NCOA2: variants seen among roughly 807,000 people sequenced by gnomAD.
The protein encoded by NCOA2 is class E basic helix-loop-helix protein 75.
Under a neutral mutation model 145.1 loss-of-function variants are expected in NCOA2, and 21 were observed. That is an observed-to-expected ratio of 0.14 (90% CI 0.10 to 0.21). The LOEUF is 0.21. Among genes scored for constraint, NCOA2 ranks in the 10% least tolerant of loss-of-function variants. NCOA2 has a pLI of 1.00. For missense variants in NCOA2, 1,472 were observed against 1,837.6 expected (o/e 0.80, Z 3.64); for synonymous variants, 619 against 637.5 (o/e 0.97, Z 0.44).
At chr8:70,308,669 C>A (rs1268633743) in intron 1 of NCOA2, among the ~76,000 whole-genome samples, 1 of 152,182 alleles carries the variant, frequency 6.6e-6, no homozygotes. Flanking sequence ...ACCCCTCTTT[C>A]TAGCCCATCT....
chr8:70,379,934 T>G (rs1743571560), intron 1 of NCOA2, among the ~76,000 whole-genome samples: 1 of 152,062 alleles, frequency 6.6e-6, no homozygotes, highest in Non-Finnish European at 1.5e-5. Flanking sequence ...ACATTAAATT[T>G]CCCACTGAAG....
intron 2 of NCOA2, among the ~76,000 whole-genome samples, chr8:70,254,953 GC>G: frequency 6.6e-6 from 1 of 152,030 alleles, no homozygotes. Context: ...TCAAATTTTT[GC>G]TTATACTTTC....
At chr8:70,388,122 C>G (rs1231560914) in intron 1 of NCOA2, among the ~76,000 whole-genome samples, 1 of 151,434 alleles carries the variant, frequency 6.6e-6, no homozygotes, top group Non-Finnish European at 1.5e-5. Flanking sequence ...TATAATGCAG[C>G]AATAGTAAAT....
intron 13 of NCOA2, among the ~76,000 whole-genome samples, 186 bp from the exon 14 acceptor site, chr8:70,141,585 G>A (rs1042856781): frequency 6.6e-6 from 1 of 152,164 alleles, no homozygotes; most frequent in Admixed American, 6.5e-5. Flanking sequence ...TCACTACATA[G>A]TTTTCATAAC....
At chr8:70,206,447 TTA>T (rs1270146722) in intron 4 of NCOA2, among the ~76,000 whole-genome samples, 1 of 152,222 alleles carries the variant, frequency 6.6e-6, no homozygotes, top group Non-Finnish European at 1.5e-5. Flanking sequence ...ATGAGAAATT[TTA>T]TAGTTTTCCA....
chr8:70,268,286 A>G lies in NCOA2; in HGVS notation c.-20+28458T>C, dbSNP rs932491646. 5.3e-5 allele frequency among the ~76,000 whole-genome samples: 8 copies of G among 152,294 alleles called. No individual in the cohort carries two copies. The East Asian group carries it at 9.6e-4, about 18-fold the overall frequency. On this transcript the variant is annotated intron_variant, in intron 2 of 22. Transcript: ENST00000452400. ...TCTGTTTCAGCTACTTGAGAAGTCC[A>G]CTGCCCATCTTTGACATCCACCCCA... is the stretch of plus-strand genomic sequence containing the variant.
At position 70,155,997 on chromosome 8, in the gene NCOA2, C is replaced by T; in HGVS notation, c.2368G>A (p.Glu790Lys). 2 of 1,591,858 alleles carry T rather than the reference C, an allele frequency of 1.3e-6. No individual in the cohort carries two copies. Among genetic ancestry groups the T allele is most frequent in the East Asian group, 4.5e-5 (2 of 44,726 alleles). The change falls in exon 11 of 23, where the codon GAG becomes AAG. Residue 790 changes from glutamate to lysine, a missense_variant. Transcript: ENST00000452400. Reference sequence around the variant, plus strand: ...TGGTCACCAGGCTCAAAGCTCATCTCCTCCTTCTCAGTTTTCATTGCTATT... The same window carrying T: ...TGGTCACCAGGCTCAAAGCTCATCTTCTCCTTCTCAGTTTTCATTGCTATT... ...KLIAMKTEKE[E>K]MSFEPGDQPG...
intron 2 of NCOA2, among the ~76,000 whole-genome samples, chr8:70,270,413 A>C (rs986664867): frequency 2.0e-5 from 3 of 152,150 alleles, no homozygotes; most frequent in African/African-American, 7.2e-5. Flanking sequence ...CTCTAAAGTA[A>C]AGATGCTAAG....
At chr8:70,143,946 G>A (rs1265310601) in intron 13 of NCOA2, among the ~76,000 whole-genome samples, 3 of 152,224 alleles carry the variant, frequency 2.0e-5, no homozygotes, top group Non-Finnish European at 4.4e-5. Context: ...GGATGTGGTG[G>A]CAACAGCAAT....
intron 2 of NCOA2, among the ~76,000 whole-genome samples, chr8:70,224,630 T>C (rs1820451508): frequency 6.6e-6 from 1 of 152,292 alleles, no homozygotes; most frequent in African/African-American, 2.4e-5. Flanking sequence ...TATGATTTTT[T>C]CCCAGTCTAT....
At chr8:70,334,667 C>G (rs114406161) in intron 1 of NCOA2, among the ~76,000 whole-genome samples, 1,740 of 152,256 alleles carry the variant, frequency 0.011, 42 homozygotes, top group African/African-American at 0.04. Flanking sequence ...GCAGAGCATT[C>G]CCTGAAATGA....
At chr8:70,447,978 C>G in the NCOA2 span, among the ~76,000 whole-genome samples, 1 of 152,200 alleles carries the variant, frequency 6.6e-6, no homozygotes, top group African/African-American at 2.4e-5. Context: ...AACCACCATG[C>G]CTAGCCCCCG....
chr8:70,384,522 G>C (rs994476647), intron 1 of NCOA2, among the ~76,000 whole-genome samples: 2 of 152,090 alleles, frequency 1.3e-5, no homozygotes, highest in African/African-American at 4.8e-5. Flanking sequence ...TCTTTGTCGA[G>C]AATATAATAC....
At chr8:70,314,935 T>C (rs1805468998) in intron 1 of NCOA2, among the ~76,000 whole-genome samples, 3 of 152,250 alleles carry the variant, frequency 2.0e-5, no homozygotes, top group Non-Finnish European at 4.4e-5. Flanking sequence ...TGATGTGGGT[T>C]GATACCACTC....
intron 14 of NCOA2, among the ~76,000 whole-genome samples, chr8:70,139,058 G>C (rs1463019195): frequency 6.6e-6 from 1 of 152,228 alleles, no homozygotes; most frequent in African/African-American, 2.4e-5. Context: ...ACTTCAGCTG[G>C]CTCCCCTACC....
At chr8:70,316,419 C>G (rs1805589918) in intron 1 of NCOA2, among the ~76,000 whole-genome samples, 1 of 152,352 alleles carries the variant, frequency 6.6e-6, no homozygotes, top group African/African-American at 2.4e-5. Context: ...AACACTTCAT[C>G]TCAATCCCGA....
chr8:70,311,385 T>G (rs1805106108), intron 1 of NCOA2, among the ~76,000 whole-genome samples: 1 of 152,220 alleles, frequency 6.6e-6, no homozygotes, highest in African/African-American at 2.4e-5. Flanking sequence ...TCTCTCATAA[T>G]TTCAGTTTTA....
chr8:70,246,285 T>C lies in NCOA2; in HGVS notation c.-19-29521A>G, dbSNP rs563896472. Among the ~76,000 whole-genome samples the C allele has an allele frequency of 2.6e-5, 4 of 152,250 alleles. 1 individual carries two copies. The highest frequency in any genetic ancestry group is 9.6e-5 in the African/African-American group (4 of 41,568). ...TTATGGTTTGTTTCACATTAAAAATTGTTCTTAATCCATGAAGCAAGCAAT... is the reference window on the plus strand; with the variant it reads ...TTATGGTTTGTTTCACATTAAAAATCGTTCTTAATCCATGAAGCAAGCAAT... On this transcript the variant is annotated intron_variant, in intron 2 of 22. Transcript: ENST00000452400.
intron 6 of NCOA2, among the ~76,000 whole-genome samples, chr8:70,167,060 C>T (rs1813693660): frequency 6.6e-6 from 1 of 152,152 alleles, no homozygotes; most frequent in African/African-American, 2.4e-5. Context: ...CTGACTCCTT[C>T]CCTTCAAGTC....
Sources: allele counts gnomAD v4.1 joint callset (sites outside exome capture counted in the v4.1 genomes callset), GRCh38; gene constraint gnomAD v4.1.1; transcripts MANE v1.5; gene names NCBI Gene and HGNC (gene_info 2026-07-23, HGNC 2026-07-21).